Variants in OR8J3 observed in about 807,000 individuals in gnomAD.
OR8J3 encodes olfactory receptor family 8 subfamily J member 3.
For synonymous variants in OR8J3, 170 were observed against 142.6 expected, an observed-to-expected ratio of 1.19 and a Z score of -1.37; for missense variants, 418 against 379.8, an observed-to-expected ratio of 1.10 and a Z score of -0.84.
At position 56,136,669 on chromosome 11, in the gene OR8J3, C is replaced by A; in HGVS notation, c.*102G>T. ...TAATTCAATGATCTTTAAATCTTAC[C>A]TCTTGGTAATTCTTAGGATTGCTTG... On this transcript the variant is annotated 3_prime_UTR_variant, in exon 2 of 2. Transcript: ENST00000642058. 1 of 578,100 alleles carries A rather than the reference C, an allele frequency of 1.7e-6. No homozygotes were observed. The highest frequency in any genetic ancestry group is 3.5e-5 in the South Asian group (1 of 28,366). 35.8% of individuals were successfully genotyped at this position (578,100 alleles called of 1,614,324 possible).
chr11:56,139,874 C>T (rs1565056961), intron 1 of OR8J3, among the ~76,000 whole-genome samples: 1 of 152,184 alleles, frequency 6.6e-6, no homozygotes. Flanking sequence ...AAAAATATGG[C>T]CTATGCCACA....
rs561180273 is a variant in OR8J3, at chr11:56,138,316, C to A, written c.-598G>T. ...CTCAAACAAAAATACATGGATAAAT[C>A]TCTTCAGATCTATTTTTCAGGTAGC... On this transcript the variant is annotated 5_prime_UTR_variant, in exon 2 of 2. Coordinates refer to ENST00000642058, the MANE Select transcript of OR8J3 (RefSeq NM_001004064.2). 1 of 152,252 alleles carries A rather than the reference C, an allele frequency of 6.6e-6. No homozygotes were observed. Among genetic ancestry groups the A allele is most frequent in the African/African-American group, 2.4e-5 (1 of 41,524 alleles). The allele number at this position is 152,252 out of a possible 1,614,324, so 9.4% of individuals were successfully genotyped here.
chr11:56,137,582 A>T lies in OR8J3; in HGVS notation c.137T>A (p.Ile46Asn). 1 of 1,614,204 alleles carries T rather than the reference A, an allele frequency of 6.2e-7. No homozygotes were observed. Among genetic ancestry groups the T allele is most frequent in the Non-Finnish European group, 8.5e-7 (1 of 1,180,042 alleles). ...VLTMAGNLGI[I>N]TLTSVDSRLQ... ...TCGAGAGTCAACACTGGTGAGGGTG[A>T]TGATGCCCAGGTTCCCTGCCATGGT... Residue 46 changes from isoleucine (I) to asparagine (N), a missense_variant, in exon 2 of 2, where the codon ATC becomes AAC. Transcript: ENST00000642058.
rs1854314541 is a variant in OR8J3 at position 56,134,769 on chromosome 11, A to G, written c.*2002T>C. On this transcript the variant is annotated 3_prime_UTR_variant, in exon 2 of 2. Transcript: ENST00000642058. ...TTTTAATATTTTTCCCTACTTTAGCATCAAAATAAAGTCATATTTTCTGGA... is the reference window on the plus strand; with the variant it reads ...TTTTAATATTTTTCCCTACTTTAGCGTCAAAATAAAGTCATATTTTCTGGA... 4 of 152,048 alleles carry G rather than the reference A, an allele frequency of 2.6e-5. No homozygotes were observed. In the South Asian group the frequency reaches 8.3e-4, roughly 32 times the overall value. 9.4% of individuals were successfully genotyped at this position (152,048 alleles called of 1,614,324 possible).
intron 1 of OR8J3, 130 bp downstream of exon 1, chr11:56,140,043 T>G (rs1174432790): frequency 1.3e-5 from 2 of 152,242 alleles, no homozygotes; most frequent in African/African-American, 4.8e-5. Flanking sequence ...GCATGAAACA[T>G]TAAGTTAATA....
In OR8J3 at chr11:56,136,653, G is replaced by A; in HGVS notation, c.*118C>T. ...TTCCATGTATTTTTTTTAATTCAAT[G>A]ATCTTTAAATCTTACCTCTTGGTAA... On this transcript the variant is annotated 3_prime_UTR_variant, in exon 2 of 2. Transcript: ENST00000642058. 1.9e-6 allele frequency: 1 copy of A among 529,822 alleles called. No individual in the cohort carries two copies. The highest frequency in any genetic ancestry group is 3.2e-6 in the Non-Finnish European group (1 of 316,144). 32.8% of individuals were successfully genotyped at this position (529,822 alleles called of 1,614,324 possible). A position where few individuals can be genotyped will look rare whatever the true frequency, so the allele number is the denominator to read the frequency against.
At chr11:56,139,438 C>A (rs1343457026) in intron 1 of OR8J3, among the ~76,000 whole-genome samples, 1 of 151,996 alleles carries the variant, frequency 6.6e-6, no homozygotes, top group Admixed American at 6.5e-5. Context: ...TTTGATGATA[C>A]CAAGCATAAA....
Position 56,138,142 on chromosome 11 carries a change from C to A in OR8J3, c.-424G>T, listed in dbSNP as rs558159051. 191 of 170,990 alleles carry A rather than the reference C, an allele frequency of 1.1e-3. No individual in the cohort carries two copies. The highest frequency in any genetic ancestry group is 1.7e-3 in the Non-Finnish European group (133 of 80,142). 10.6% of individuals were successfully genotyped at this position (170,990 alleles called of 1,614,324 possible). ...CAATGGCTACTTGCAATTTCCTAAT[C>A]TGATAATTCTTCCTTTGCCTCAAGA... On this transcript the variant is annotated 5_prime_UTR_variant, in exon 2 of 2. Coordinates refer to ENST00000642058, the MANE Select transcript of OR8J3 (RefSeq NM_001004064.2).
chr11:56,136,943 T>C lies in OR8J3; in HGVS notation c.776A>G (p.Tyr259Cys), dbSNP rs2134684635. The C allele has an allele frequency of 1.2e-6, 2 of 1,614,082 alleles. No individual in the cohort carries two copies. The highest frequency in any genetic ancestry group is 1.7e-4 in the Middle Eastern group (1 of 6,060). Residue 259 changes from tyrosine to cysteine, a missense_variant, in exon 2 of 2, where the codon TAT (tyrosine) becomes TGT (cysteine). Transcript: ENST00000642058. ...TGAGTGGTTGGTTTGGGGCTGCAAA[T>C]ACATAAATAGCATTGTCCCATAGAA... ...TVFYGTMLFM[Y>C]LQPQTNHSLD...
At position 56,137,329 on chromosome 11, in the gene OR8J3, C is replaced by T. The variant is rs1463068538; in HGVS notation, c.390G>A (p.Leu130=). Residue 130 remains leucine (L), a synonymous_variant, in exon 2 of 2, where the codon CTG becomes CTA. Transcript: ENST00000642058. ...YDRYVAICNP[L]LYMVVVSRRL... is the part of the protein sequence containing the mutation. ...GCCGAGACACCACCACCATGTAGAG[C>T]AGAGGGTTACAAATGGCCACATAGC... The T allele has an allele frequency of 6.2e-7, 1 of 1,613,924 alleles. No individual in the cohort carries two copies. Among genetic ancestry groups the T allele is most frequent in the Admixed American group, 1.7e-5 (1 of 59,994 alleles).
Position 56,136,656 on chromosome 11 carries a change from C to G in OR8J3, c.*115G>C, listed in dbSNP as rs1402862375. 1.8e-6 allele frequency: 1 copy of G among 558,966 alleles called. No homozygotes were observed. The highest frequency in any genetic ancestry group is 3.0e-6 in the Non-Finnish European group (1 of 335,426). The allele number at this position is 558,966 out of a possible 1,614,324, so 34.6% of individuals were successfully genotyped here. ...CATGTATTTTTTTTAATTCAATGATCTTTAAATCTTACCTCTTGGTAATTC... is the reference window on the plus strand; with the variant it reads ...CATGTATTTTTTTTAATTCAATGATGTTTAAATCTTACCTCTTGGTAATTC... On this transcript the variant is annotated 3_prime_UTR_variant, in exon 2 of 2. Transcript: ENST00000642058.
chr11:56,135,127 C>A lies in OR8J3; in HGVS notation c.*1644G>T, dbSNP rs1335588973. 1 of 151,912 alleles carries A rather than the reference C, an allele frequency of 6.6e-6. No homozygotes were observed. Among genetic ancestry groups the A allele is most frequent in the Non-Finnish European group, 1.5e-5 (1 of 67,882 alleles). The allele number at this position is 151,912 out of a possible 1,614,324, so 9.4% of individuals were successfully genotyped here. On this transcript the variant is annotated 3_prime_UTR_variant, in exon 2 of 2. Transcript: ENST00000642058. ...ATTTCTTCCTAAATCTAAAAATTGTCATTTGAGGACCTTGTTAATAGTTTA... is the reference window on the plus strand; with the variant it reads ...ATTTCTTCCTAAATCTAAAAATTGTAATTTGAGGACCTTGTTAATAGTTTA...
At position 56,135,537 on chromosome 11, in the gene OR8J3, G is replaced by A. The variant is rs1436776295; in HGVS notation, c.*1234C>T. 6.6e-6 allele frequency: 1 copy of A among 151,572 alleles called. No individual in the cohort carries two copies. The highest frequency in any genetic ancestry group is 2.4e-5 in the African/African-American group (1 of 41,270). The allele number at this position is 151,572 out of a possible 1,614,324, so 9.4% of individuals were successfully genotyped here. On this transcript the variant is annotated 3_prime_UTR_variant, in exon 2 of 2. Coordinates refer to ENST00000642058, the MANE Select transcript of OR8J3 (RefSeq NM_001004064.2). ...ATTTTGTACTGTAGAGTTGTGTTTTGTTTCCTTTTTAATATTATAATTATT... is the reference window on the plus strand; with the variant it reads ...ATTTTGTACTGTAGAGTTGTGTTTTATTTCCTTTTTAATATTATAATTATT...
chr11:56,139,556 GATCGTGAAT>G (rs1213028996), intron 1 of OR8J3, among the ~76,000 whole-genome samples: 1 of 152,150 alleles, frequency 6.6e-6, no homozygotes, highest in Non-Finnish European at 1.5e-5. Flanking sequence ...CTGACCCTCA[GATCGTGAAT>G]ATGTTATTGT....
In OR8J3 at chr11:56,137,081, G is replaced by C; in HGVS notation, c.638C>G (p.Thr213Arg). The C allele has an allele frequency of 6.2e-7, 1 of 1,613,638 alleles. No individual in the cohort carries two copies. Among genetic ancestry groups the C allele is most frequent in the Non-Finnish European group, 8.5e-7 (1 of 1,179,904 alleles). ...AATNLVFSMI[T>R]VLVSYFNIVL... is the part of the protein sequence containing the mutation. Reference sequence around the variant, plus strand: ...AATATTGAAATAAGATACTAGAACTGTAATCATGGAAAAAACCAAATTTGT... The same window carrying C: ...AATATTGAAATAAGATACTAGAACTCTAATCATGGAAAAAACCAAATTTGT... The change falls in exon 2 of 2, where the codon ACA (threonine) becomes AGA (arginine). Residue 213 changes from threonine (T) to arginine (R), a missense_variant. Transcript: ENST00000642058.
At position 56,137,360 on chromosome 11, in the gene OR8J3, T is replaced by C. The variant is rs200183320; in HGVS notation, c.359A>G (p.Tyr120Cys). The change falls in exon 2 of 2, where the codon TAT becomes TGT. Residue 120 changes from tyrosine (Y) to cysteine (C), a missense_variant. By Grantham distance (194) the Tyr-to-Cys change is radical. Coordinates refer to ENST00000642058, the MANE Select transcript of OR8J3 (RefSeq NM_001004064.2). ...GTTACAAATGGCCACATAGCGGTCA[T>C]AGGCCATCACAGCCAGCATCATTAC... ...SEVMMLAVMA[Y>C]DRYVAICNPL... 132 of 1,613,794 alleles carry C rather than the reference T, an allele frequency of 8.2e-5. 3 individuals carry two copies. In the Middle Eastern group the frequency reaches 4.4e-3, roughly 54 times the overall value.
intron 1 of OR8J3, among the ~76,000 whole-genome samples, chr11:56,139,272 T>C (rs1448089639): frequency 1.3e-5 from 2 of 152,166 alleles, no homozygotes; most frequent in African/African-American, 2.4e-5. Context: ...CCCAGAGCTA[T>C]TCAGTTTCTC....
rs1854332555 is a variant in OR8J3 at position 56,136,686 on chromosome 11, G to T, written c.*85C>A. 1.5e-6 allele frequency: 1 copy of T among 674,884 alleles called. No homozygotes were observed. The highest frequency in any genetic ancestry group is 2.4e-6 in the Non-Finnish European group (1 of 422,762). 41.8% of individuals were successfully genotyped at this position (674,884 alleles called of 1,614,324 possible). On this transcript the variant is annotated 3_prime_UTR_variant, in exon 2 of 2. Coordinates refer to ENST00000642058, the MANE Select transcript of OR8J3 (RefSeq NM_001004064.2). ...AATCTTACCTCTTGGTAATTCTTAG[G>T]ATTGCTTGTAAACTTACTTTTATTT...
intron 1 of OR8J3, among the ~76,000 whole-genome samples, chr11:56,138,971 A>G (rs1219011592): frequency 1.3e-5 from 2 of 152,130 alleles, no homozygotes; most frequent in African/African-American, 4.8e-5. Context: ...TTGTAACAGG[A>G]ATAAACACCT....
Sources: gnomAD v4.1 joint callset for allele counts (sites outside exome capture counted in the v4.1 genomes callset) on GRCh38, gnomAD v4.1.1 for gene constraint, MANE v1.5 for transcripts, NCBI Gene and HGNC (gene_info 2026-07-23, HGNC 2026-07-21) for gene names.